ASXL1: variants seen among roughly 807,000 people sequenced by gnomAD.
The protein encoded by ASXL1 is ASXL transcriptional regulator 1, also known as polycomb group protein ASXL1.
A neutral mutation model predicts 89.1 loss-of-function variants in ASXL1; 65 were observed. The observed-to-expected ratio is 0.73, with a 90% CI of 0.60 to 0.90. The LOEUF (loss-of-function observed/expected upper bound fraction) is 0.90. Among genes scored for constraint, ASXL1 ranks in the 40% least tolerant of loss-of-function variants. The pLI is 0.00. For missense variants in ASXL1, 1,786 were observed against 1,942.9 expected (o/e 0.92, Z 1.52); for synonymous variants, 739 against 746.9 (o/e 0.99, Z 0.17).
At chr20:32,397,846 A>G (rs2048797258) in intron 4 of ASXL1, among the ~76,000 whole-genome samples, 1 of 152,226 alleles carries the variant, frequency 6.6e-6, no homozygotes, top group Non-Finnish European at 1.5e-5. Flanking sequence ...ACATAAGTTT[A>G]AAAGTTATAG....
At chr20:32,360,028 T>G in intron 1 of ASXL1, 2 of 551,950 alleles carry the variant, frequency 3.6e-6, no homozygotes, top group Non-Finnish European at 6.5e-6. Context: ...ATTTTCTCTC[T>G]TATTTTGAAG....
At chr20:32,385,907 T>G (rs2048571698) in intron 4 of ASXL1, among the ~76,000 whole-genome samples, 2 of 152,372 alleles carry the variant, frequency 1.3e-5, no homozygotes, top group South Asian at 4.1e-4. Context: ...TTTGAATTCC[T>G]TAAGCTTTTT....
chr20:32,425,412 A>T (rs1450445572), intron 4 of ASXL1, among the ~76,000 whole-genome samples: 1 of 152,204 alleles, frequency 6.6e-6, no homozygotes, highest in Admixed American at 6.5e-5. Context: ...CTTCAACTGT[A>T]CCAGATAAGG....
At chr20:32,410,920 A>C (rs1192700653) in intron 4 of ASXL1, among the ~76,000 whole-genome samples, 2 of 151,490 alleles carry the variant, frequency 1.3e-5, no homozygotes, top group Non-Finnish European at 2.9e-5. Context: ...AATCTCAGCT[A>C]CTGGGGGAGG....
intron 4 of ASXL1, chr20:32,427,081 A>G (rs1341939224): frequency 2.0e-5 from 3 of 152,014 alleles, no homozygotes; most frequent in Non-Finnish European, 4.4e-5. Flanking sequence ...CTCTGCCCCA[A>G]CTTATCTTCT....
chr20:32,392,294 T>C lies in ASXL1; in HGVS notation c.252+23171T>C, dbSNP rs1424298302. 6.0e-5 allele frequency among the ~76,000 whole-genome samples: 9 copies of C among 151,112 alleles called. No individual in the cohort carries two copies. The East Asian group carries it at 1.8e-3, about 29-fold the overall frequency. On this transcript the variant is annotated intron_variant, in intron 4 of 12. Transcript: ENST00000375687. ...CAAGCCTAGCTGATTTTTTTTTTTTTTTTCCGAGATGGAGATTTGCTCTTG... is the reference window on the plus strand; with the variant it reads ...CAAGCCTAGCTGATTTTTTTTTTTTCTTTCCGAGATGGAGATTTGCTCTTG...
intron 4 of ASXL1, among the ~76,000 whole-genome samples, chr20:32,418,785 A>T (rs1379765811): frequency 6.8e-6 from 1 of 146,128 alleles, no homozygotes; most frequent in African/African-American, 2.5e-5. Flanking sequence ...TGAATCGACA[A>T]ATCAAAATGG....
rs753983192 is a variant in ASXL1, at chr20:32,434,611, TAG to T, written c.1904_1905del (p.Glu635GlyfsTer22). The T allele has an allele frequency of 1.9e-6, 3 of 1,610,942 alleles. No homozygotes were observed. The highest frequency in any genetic ancestry group is 1.1e-5 in the South Asian group (1 of 90,940). On this transcript the variant is annotated frameshift_variant, in exon 13 of 13. Transcript: ENST00000375687. LOFTEE classifies it low-confidence loss of function (END_TRUNC). ...GAGGGGCGAGAGGTCACCACTGCCA[TAG>T]AGAGGCGGCCACCACTGCCATCGGA... ...VRGARGHHCH[R>X]EAATTAIGGG...
At chr20:32,388,709 T>A (rs1052595237) in intron 4 of ASXL1, among the ~76,000 whole-genome samples, 10 of 152,186 alleles carry the variant, frequency 6.6e-5, no homozygotes, top group Admixed American at 3.3e-4. Flanking sequence ...TTTCAGGCCT[T>A]TTCCAGTTTT....
chr20:32,402,482 A>G (rs2123061321), intron 4 of ASXL1, among the ~76,000 whole-genome samples: 1 of 152,392 alleles, frequency 6.6e-6, no homozygotes, highest in Non-Finnish European at 1.5e-5. Flanking sequence ...ACCTATGAGT[A>G]GAATTGCTGG....
chr20:32,377,766 C>G (rs995824396), intron 4 of ASXL1, among the ~76,000 whole-genome samples: 1 of 151,038 alleles, frequency 6.6e-6, no homozygotes, highest in African/African-American at 2.4e-5. Context: ...GATTCTCTTA[C>G]CTCAGCCTCC....
chr20:32,415,708 C>T (rs1018607892), intron 4 of ASXL1, among the ~76,000 whole-genome samples: 1 of 152,126 alleles, frequency 6.6e-6, no homozygotes, highest in Non-Finnish European at 1.5e-5. Flanking sequence ...TACTTCTTAC[C>T]TTCCTGCTCA....
chr20:32,431,498 G>C lies in ASXL1; in HGVS notation c.882+14G>C, dbSNP rs2123235663. The C allele has an allele frequency of 6.2e-7, 1 of 1,613,972 alleles. No individual in the cohort carries two copies. Among genetic ancestry groups the C allele is most frequent in the East Asian group, 2.2e-5 (1 of 44,896 alleles). The stretch of plus-strand genomic sequence containing the variant: ...GTAGACAGACAGGTGCACATGGGCA[G>C]CCTCCCCTTTGCCTCTCTCTGGGTG... On this transcript the variant is annotated intron_variant, in intron 9 of 12. Transcript: ENST00000375687.
chr20:32,429,211 A>C lies in ASXL1; in HGVS notation c.472-127A>C. 1.1e-6 allele frequency: 1 copy of C among 896,148 alleles called. No homozygotes were observed. 55.5% of individuals were successfully genotyped at this position (896,148 alleles called of 1,614,324 possible). ...ATTAACCAGTGCTCTTGTCAGCATTATTTGACAGATCTGGTTGAAGACGAA... is the reference window on the plus strand; with the variant it reads ...ATTAACCAGTGCTCTTGTCAGCATTCTTTGACAGATCTGGTTGAAGACGAA... On this transcript the variant is annotated intron_variant, in intron 6 of 12. Coordinates refer to ENST00000375687, the MANE Select transcript of ASXL1 (RefSeq NM_015338.6). This position sits in a 1 kb window ranked among gnomAD's most constrained non-coding sequence, Gnocchi z 4.9.
In ASXL1 at chr20:32,382,936, T is replaced by C. The variant is rs534484018; in HGVS notation, c.252+13813T>C. On this transcript the variant is annotated intron_variant, in intron 4 of 12. Transcript: ENST00000375687. ...TAGTGAGGGAGGAGCTCTCAAGTTA[T>C]CTAATTTACTGTCATTTTACAGATA... is the stretch of plus-strand genomic sequence containing the variant. 3.7e-4 allele frequency among the ~76,000 whole-genome samples: 56 copies of C among 152,326 alleles called. 1 individual carries two copies. In the South Asian group the frequency reaches 0.012, roughly 32 times the overall value.
chr20:32,365,576 A>T (rs2048190740), intron 1 of ASXL1, among the ~76,000 whole-genome samples: 1 of 152,202 alleles, frequency 6.6e-6, no homozygotes, highest in Admixed American at 6.5e-5. Context: ...GCACAGGTAG[A>T]CAAAGTACAA....
chr20:32,420,955 AAACT>A (rs1349657236), intron 4 of ASXL1, among the ~76,000 whole-genome samples: 1 of 152,082 alleles, frequency 6.6e-6, no homozygotes, highest in African/African-American at 2.4e-5. Context: ...CATCCTCAGC[AAACT>A]AACACAGGAA....
Position 32,433,302 on chromosome 20 carries a change from A to G in ASXL1, c.1104A>G (p.Glu368=), listed in dbSNP as rs745563136. The change falls in exon 12 of 13, where the codon GAA becomes GAG. Residue 368 remains glutamate, a synonymous_variant. Transcript: ENST00000375687. ...TTTGCAGGCTGGGTTTGACCAAAGA[A>G]GAGTCATTGCAGCAGAACGTGGGCC... ...YYGQKLGLTK[E]ESLQQNVGQE... The G allele has an allele frequency of 6.2e-7, 1 of 1,614,220 alleles. No homozygotes were observed.
At position 32,436,538 on chromosome 20, in the gene ASXL1, T is replaced by C; in HGVS notation, c.3826T>C (p.Ser1276Pro). 6.2e-7 allele frequency: 1 copy of C among 1,614,202 alleles called. No homozygotes were observed. Among genetic ancestry groups the C allele is most frequent in the Non-Finnish European group, 8.5e-7 (1 of 1,180,038 alleles). The change falls in exon 13 of 13, where the codon TCT becomes CCT. Residue 1276 changes from serine to proline, a missense_variant. Around this residue, in one of 3 missense-constraint regions of ASXL1, gnomAD observed 1,418 missense variants for 1,427.8 expected, o/e 0.99. Coordinates refer to ENST00000375687, the MANE Select transcript of ASXL1 (RefSeq NM_015338.6). The stretch of plus-strand genomic sequence containing the variant: ...TACCTCGAGAACACCTCGTTTCTCA[T>C]CTCCAAATGTGATCTCCTTTGGTCC... ...LTTSRTPRFS[S>P]PNVISFGPEQ... is the part of the protein sequence containing the mutation.
Sources: allele counts gnomAD v4.1 joint callset (sites outside exome capture counted in the v4.1 genomes callset), GRCh38; gene constraint gnomAD v4.1.1; regional missense constraint gnomAD v4.1.1; non-coding constraint Gnocchi (gnomAD v3.1); transcripts MANE v1.5; gene names NCBI Gene and HGNC (gene_info 2026-07-23, HGNC 2026-07-21).